The following THSD4 variants were observed in gnomAD, a reference collection of about 807,000 sequenced individuals.
THSD4 encodes thrombospondin type-1 domain-containing protein 4.
In THSD4, 69 loss-of-function variants were observed where a neutral mutation model predicts 119.0. The ratio of observed to expected loss-of-function variants is 0.58; its 90% CI spans 0.48 to 0.71. The LOEUF (loss-of-function observed/expected upper bound fraction) is 0.71, where lower values mean the gene tolerates loss of function less well. Ranked by LOEUF, THSD4 falls within the 30% of genes least tolerant of loss-of-function variation. THSD4 has a pLI of 0.00. For synonymous variants in THSD4, 524 were observed against 540.4 expected (o/e 0.97, Z 0.42); for missense variants, 1,393 against 1,391.1 (o/e 1.00, Z -0.02).
chr15:71,401,676 TTG>T (rs1294969154), intron 6 of THSD4, among the ~76,000 whole-genome samples: 1 of 152,182 alleles, frequency 6.6e-6, no homozygotes, highest in African/African-American at 2.4e-5. Context: ...AGTTCAATCA[TTG>T]TGGAAAACAG....
intron 3 of THSD4, among the ~76,000 whole-genome samples, chr15:71,196,735 T>C (rs756727511): frequency 6.6e-6 from 1 of 152,036 alleles, no homozygotes; most frequent in Non-Finnish European, 1.5e-5. Flanking sequence ...GCTGTGAGCA[T>C]GGGCAAGCAG....
intron 7 of THSD4, among the ~76,000 whole-genome samples, chr15:71,635,103 T>C (rs2050714306): frequency 6.6e-6 from 1 of 152,218 alleles, no homozygotes; most frequent in South Asian, 2.1e-4. Context: ...GTCACATGTA[T>C]GCACTGCCCA....
intron 4 of THSD4, among the ~76,000 whole-genome samples, chr15:71,241,126 T>A (rs1194571504): frequency 6.6e-6 from 1 of 152,242 alleles, no homozygotes; most frequent in East Asian, 1.9e-4. Flanking sequence ...GCTATTTTAA[T>A]GTGCTTATTT....
Position 71,780,751 on chromosome 15 carries a change from G to T in THSD4, c.*3377G>T. On this transcript the variant is annotated 3_prime_UTR_variant, in exon 18 of 18. Coordinates refer to ENST00000261862, the MANE Select transcript of THSD4 (RefSeq NM_024817.3). Reference sequence around the variant, plus strand: ...TTACCTCTCTGGCCCAGAGTTCTTGGAGGGTTTTTTCTTTATTTTCTTATG... The same window carrying T: ...TTACCTCTCTGGCCCAGAGTTCTTGTAGGGTTTTTTCTTTATTTTCTTATG... The T allele has an allele frequency of 2.2e-6, 1 of 455,120 alleles. No individual in the cohort carries two copies. Among genetic ancestry groups the T allele is most frequent in the South Asian group, 1.6e-5 (1 of 64,442 alleles). 28.2% of individuals were successfully genotyped at this position (455,120 alleles called of 1,614,324 possible).
intron 6 of THSD4, among the ~76,000 whole-genome samples, chr15:71,368,717 G>T (rs1274000043): frequency 1.3e-5 from 2 of 152,122 alleles, no homozygotes; most frequent in Non-Finnish European, 2.9e-5. Flanking sequence ...GTCAGGTAGT[G>T]TGATGCCTCC....
chr15:71,140,983 TTAATA>T (rs1173918599), intron 1 of THSD4, among the ~76,000 whole-genome samples: 1 of 152,242 alleles, frequency 6.6e-6, no homozygotes, highest in Non-Finnish European at 1.5e-5. Context: ...CTCTTTTCAC[TTAATA>T]TAATGTTTTC....
intron 4 of THSD4, among the ~76,000 whole-genome samples, chr15:71,223,441 G>C (rs1202116146): frequency 3.9e-5 from 6 of 152,174 alleles, no homozygotes; most frequent in Admixed American, 3.9e-4. Flanking sequence ...GCTCTACTGT[G>C]AACTCCAGAA....
At chr15:71,723,166 T>G (rs1392450948) in intron 8 of THSD4, among the ~76,000 whole-genome samples, 5 of 152,106 alleles carry the variant, frequency 3.3e-5, no homozygotes, top group South Asian at 4.2e-4. Context: ...TCAAGTAGTT[T>G]CCTAGAAGTA....
At chr15:71,450,877 A>G (rs2047254477) in intron 7 of THSD4, among the ~76,000 whole-genome samples, 2 of 152,106 alleles carry the variant, frequency 1.3e-5, no homozygotes, top group South Asian at 4.2e-4. Flanking sequence ...GAGCTACAGA[A>G]AGGAATAGTG....
intron 6 of THSD4, among the ~76,000 whole-genome samples, chr15:71,403,177 T>A (rs1242476255): frequency 6.6e-6 from 1 of 152,182 alleles, no homozygotes; most frequent in Admixed American, 6.5e-5. Context: ...AGATATTCTA[T>A]CTCCTGGATC....
intron 7 of THSD4, among the ~76,000 whole-genome samples, chr15:71,636,811 C>A (rs1048771275): frequency 6.6e-6 from 1 of 152,160 alleles, no homozygotes; most frequent in African/African-American, 2.4e-5. Flanking sequence ...GACTGAAAAA[C>A]AGGAGGACCT....
intron 8 of THSD4, among the ~76,000 whole-genome samples, chr15:71,727,561 T>A (rs1216243049): frequency 7.5e-5 from 9 of 120,336 alleles, no homozygotes; most frequent in African/African-American, 2.9e-4. Flanking sequence ...AAAATATATA[T>A]ATATATATAT....
intron 7 of THSD4, among the ~76,000 whole-genome samples, chr15:71,560,092 T>G (rs2049089557): frequency 6.6e-6 from 1 of 152,218 alleles, no homozygotes; most frequent in Non-Finnish European, 1.5e-5. Flanking sequence ...AACCTTATTT[T>G]CTGATTCAGC....
chr15:71,625,206 C>G (rs1384957286), intron 7 of THSD4, among the ~76,000 whole-genome samples: 1 of 152,154 alleles, frequency 6.6e-6, no homozygotes, highest in Non-Finnish European at 1.5e-5. Flanking sequence ...TGGGGTTTCA[C>G]CATGTTGGCC....
At chr15:71,538,537 A>G (rs937418821) in intron 7 of THSD4, among the ~76,000 whole-genome samples, 1 of 152,248 alleles carries the variant, frequency 6.6e-6, no homozygotes, top group Non-Finnish European at 1.5e-5. Flanking sequence ...TCATAAAATA[A>G]TACTTTGTGC....
At chr15:71,761,189 C>T (rs1032855462) in intron 15 of THSD4, among the ~76,000 whole-genome samples, 4 of 152,136 alleles carry the variant, frequency 2.6e-5, no homozygotes, top group Middle Eastern at 3.4e-3. Context: ...TTTCTTAATT[C>T]CATTTTTTCC....
chr15:71,546,535 G>C (rs1302360241), intron 7 of THSD4, among the ~76,000 whole-genome samples: 1 of 152,192 alleles, frequency 6.6e-6, no homozygotes, highest in African/African-American at 2.4e-5. Flanking sequence ...AAACCATCCT[G>C]CATTTCAGTG....
intron 1 of THSD4, among the ~76,000 whole-genome samples, chr15:71,118,466 T>C (rs2040381700): frequency 6.6e-6 from 1 of 152,178 alleles, no homozygotes. Context: ...GCCTGCTCTA[T>C]GTTCAGCCTG....
In THSD4 at chr15:71,570,767, C is replaced by G. The variant is rs368057235; in HGVS notation, c.1153-89763C>G. Among the ~76,000 whole-genome samples, 50 of 152,304 alleles carry G rather than the reference C, an allele frequency of 3.3e-4. 2 individuals are homozygous for G. In the East Asian group the frequency reaches 6.4e-3, roughly 19 times the overall value. ...GCTGTGTGGTGTTGGGCGAGTCCTT[C>G]TTCTCCCTAGAGTGGCAGTGTCTTC... On this transcript the variant is annotated intron_variant, in intron 7 of 17. Transcript: ENST00000261862.
Sources: allele counts gnomAD v4.1 joint callset (sites outside exome capture counted in the v4.1 genomes callset), GRCh38; gene constraint gnomAD v4.1.1; transcripts MANE v1.5; gene names NCBI Gene and HGNC (gene_info 2026-07-23, HGNC 2026-07-21).